Variants in ACTR3C observed in about 807,000 individuals in gnomAD.
ACTR3C encodes actin related protein 3C.
In ACTR3C, 18 loss-of-function variants were observed where a neutral mutation model predicts 26.3. The observed-to-expected ratio is 0.68, with a 90% CI of 0.47 to 1.01. The LOEUF (loss-of-function observed/expected upper bound fraction) is 1.01, where lower values mean the gene tolerates loss of function less well. ACTR3C is among the 50% of genes least tolerant of loss of function. The pLI is 0.00. For synonymous variants in ACTR3C, 55 were observed against 94.5 expected, an observed-to-expected ratio of 0.58 and a Z score of 2.42; for missense variants, 184 against 250.7, an observed-to-expected ratio of 0.73 and a Z score of 1.80.
chr7:149,955,235 G>C, the ACTR3C span, among the ~76,000 whole-genome samples: 1 of 152,236 alleles, frequency 6.6e-6, no homozygotes, highest in African/African-American at 2.4e-5. Flanking sequence ...TGCCCTTCAA[G>C]TTTAAAAAGG....
chr7:150,002,119 T>A, the ACTR3C span: 1 of 152,258 alleles, frequency 6.6e-6, no homozygotes, highest in East Asian at 1.9e-4. Context: ...GGTAGCCATA[T>A]GAGGACAGTG....
intron 1 of ACTR3C, among the ~76,000 whole-genome samples, chr7:150,321,656 C>T (rs1202654308): frequency 6.6e-6 from 1 of 152,162 alleles, no homozygotes; most frequent in Admixed American, 6.5e-5. Flanking sequence ...AGGAGAATCG[C>T]TTGAACTCAG....
chr7:150,041,199 G>A, the ACTR3C span, among the ~76,000 whole-genome samples: 6 of 150,328 alleles, frequency 4.0e-5, no homozygotes, highest in African/African-American at 7.5e-5. Flanking sequence ...CAAAAGTTCC[G>A]GGTCCCCGAC....
the ACTR3C span, among the ~76,000 whole-genome samples, chr7:149,951,517 G>A: frequency 8.0e-5 from 12 of 150,086 alleles, no homozygotes; most frequent in South Asian, 1.9e-3. Flanking sequence ...GGTAGGACTC[G>A]GGTCTTTCTT....
At chr7:150,092,043 T>C in the ACTR3C span, among the ~76,000 whole-genome samples, 1,825 of 134,354 alleles carry the variant, frequency 0.014, 48 homozygotes, top group African/African-American at 0.046. Flanking sequence ...TCCTAATTAC[T>C]GTACTTATTG....
the ACTR3C span, among the ~76,000 whole-genome samples, chr7:150,004,208 GTGTTA>G: frequency 2.0e-5 from 3 of 151,742 alleles, no homozygotes; most frequent in Non-Finnish European, 2.9e-5. Context: ...GTTATGTGGT[GTGTTA>G]TGTTGTGTGT....
chr7:150,319,332 C>T lies in ACTR3C; in HGVS notation c.-52+4137G>A, dbSNP rs183248696. 3.9e-5 allele frequency among the ~76,000 whole-genome samples: 6 copies of T among 152,218 alleles called. No homozygotes were observed. In the East Asian group the frequency reaches 9.6e-4, roughly 24 times the overall value. On this transcript the variant is annotated intron_variant, in intron 1 of 7. Transcript: ENST00000683684. The stretch of plus-strand genomic sequence containing the variant: ...AAGCGATTCTCCTGCCTTGGCCTCC[C>T]GAATAGCTGGGATTACAGGCATGCA...
At chr7:150,315,883 C>A (rs1228337627) in intron 1 of ACTR3C, among the ~76,000 whole-genome samples, 1 of 151,722 alleles carries the variant, frequency 6.6e-6, no homozygotes, top group Non-Finnish European at 1.5e-5. Flanking sequence ...CATATCAGTA[C>A]ACAGTTTCCT....
chr7:150,035,600 C>T, the ACTR3C span, among the ~76,000 whole-genome samples: 2 of 116,368 alleles, frequency 1.7e-5, no homozygotes, highest in Non-Finnish European at 3.8e-5. Flanking sequence ...AGTAATCCCA[C>T]GTAAGGTACC....
chr7:150,070,799 C>CTT, the ACTR3C span, among the ~76,000 whole-genome samples: 92 of 134,180 alleles, frequency 6.9e-4, 3 homozygotes, highest in African/African-American at 2.5e-3. Context: ...TTTTTCTTTT[C>CTT]TTTTTTTTTT....
the ACTR3C span, among the ~76,000 whole-genome samples, chr7:150,188,973 T>C: frequency 2.7e-5 from 4 of 149,172 alleles, no homozygotes; most frequent in Admixed American, 2.6e-4. Context: ...TATATATGTA[T>C]ATATTTGTAA....
At chr7:150,100,984 C>T in the ACTR3C span, among the ~76,000 whole-genome samples, 14 of 151,674 alleles carry the variant, frequency 9.2e-5, 1 homozygote, top group East Asian at 9.6e-4. Flanking sequence ...GGATTATAGG[C>T]GTGAGCCACC....
At chr7:150,109,678 A>C in the ACTR3C span, among the ~76,000 whole-genome samples, 1 of 150,368 alleles carries the variant, frequency 6.7e-6, no homozygotes, top group Non-Finnish European at 1.5e-5. Flanking sequence ...CACGAGGACT[A>C]TGGGTACCAC....
the ACTR3C span, among the ~76,000 whole-genome samples, chr7:149,895,964 G>A: frequency 2.0e-5 from 3 of 148,748 alleles, no homozygotes; most frequent in Admixed American, 6.8e-5. Context: ...TTGGGTGGTC[G>A]AGACAGGCAG....
At chr7:150,241,177 A>C (rs913824718), downstream of ACTR3C, among the ~76,000 whole-genome samples, 6 of 152,180 alleles carry the variant, frequency 3.9e-5, no homozygotes, top group Non-Finnish European at 5.9e-5. Context: ...GGAAATGCAA[A>C]GAACATATAA....
intron 6 of ACTR3C, among the ~76,000 whole-genome samples, chr7:150,256,745 C>T (rs1012013732): frequency 1.3e-5 from 2 of 148,876 alleles, no homozygotes; most frequent in East Asian, 3.9e-4. Context: ...GCATGTACCC[C>T]CAAACCTAAA....
the ACTR3C span, among the ~76,000 whole-genome samples, chr7:150,157,508 T>C: frequency 1.3e-5 from 2 of 151,704 alleles, no homozygotes; most frequent in Admixed American, 6.6e-5. Context: ...AGCTCATACA[T>C]ACCCTCAGCA....
chr7:150,064,161 C>G, the ACTR3C span, among the ~76,000 whole-genome samples: 1 of 151,642 alleles, frequency 6.6e-6, no homozygotes, highest in South Asian at 2.1e-4. Flanking sequence ...GACCCAGCAC[C>G]TGGATGGCTT....
the ACTR3C span, among the ~76,000 whole-genome samples, chr7:150,196,539 A>C: frequency 6.6e-6 from 1 of 152,122 alleles, no homozygotes; most frequent in Admixed American, 6.5e-5. Flanking sequence ...GTTATTTTAA[A>C]TTATCTGTTA....
Sources: gnomAD v4.1 joint callset for allele counts (sites outside exome capture counted in the v4.1 genomes callset) on GRCh38, gnomAD v4.1.1 for gene constraint, MANE v1.5 for transcripts, NCBI Gene and HGNC (gene_info 2026-07-23, HGNC 2026-07-21) for gene names.